The following NUDT16L1 variants were observed in gnomAD, a reference collection of about 807,000 sequenced individuals.
NUDT16L1 encodes nudix hydrolase 16 like 1.
In NUDT16L1, 19 loss-of-function variants were observed where a neutral mutation model predicts 17.3. That is an observed-to-expected ratio of 1.10 (90% CI 0.77 to 1.61). The LOEUF is 1.61. Ranked by LOEUF, NUDT16L1 falls within the 40% of genes most tolerant of loss-of-function variation. NUDT16L1 has a pLI of 0.00. For synonymous variants in NUDT16L1, 255 were observed against 138.6 expected (o/e 1.84, Z -5.90); for missense variants, 341 against 292.0 (o/e 1.17, Z -1.22).
In NUDT16L1 at chr16:4,695,756, G is replaced by A. The variant is rs937844308; in HGVS notation, c.*577G>A. On this transcript the variant is annotated 3_prime_UTR_variant, in exon 3 of 3. Coordinates refer to ENST00000304301, the Ensembl canonical transcript of NUDT16L1. ...AAAGTAGCTTCACCCCACGTGGCTT[G>A]GTTCCCAGGGACAGTCAGGGCCTCG... is the stretch of plus-strand genomic sequence containing the variant. The A allele has an allele frequency of 1.0e-5, 4 of 398,188 alleles. No homozygotes were observed. In the East Asian group the frequency reaches 1.4e-4, roughly 14 times the overall value. 24.7% of individuals were successfully genotyped at this position (398,188 alleles called of 1,614,324 possible).
exon 3 of NUDT16L1, chr16:4,695,801 C>CT: frequency 2.6e-6 from 1 of 388,270 alleles, no homozygotes; most frequent in South Asian, 1.4e-4. Context: ...CTATGTACAA[C>CT]GAAGCTGTCG....
intron 2 of NUDT16L1, 138 bp downstream of exon 2, chr16:4,694,376 G>T (rs759470735): frequency 6.7e-7 from 1 of 1,483,628 alleles, no homozygotes; most frequent in South Asian, 1.3e-5. Context: ...CAATGGGGTG[G>T]GGAGAGGGGT....
chr16:4,694,074 C>CT lies in NUDT16L1; in HGVS notation c.251dup (p.Leu86ProfsTer85). The CT allele has an allele frequency of 6.3e-7, 1 of 1,589,940 alleles. No homozygotes were observed. The highest frequency in any genetic ancestry group is 8.5e-7 in the Non-Finnish European group (1 of 1,175,490). On this transcript the variant is annotated frameshift_variant, in exon 2 of 3. Transcript: ENST00000304301. LOFTEE classifies it high-confidence loss of function. ...GGACGGCCTGAACCGGGTGCTGGGC[C>CT]TGGGCCTGGGCTGCCTGCGCCTCAC...
Position 4,695,817 on chromosome 16 carries a change from G to C in NUDT16L1, c.*638G>C, listed in dbSNP as rs139387829. 2.6e-5 allele frequency: 10 copies of C among 381,728 alleles called. No homozygotes were observed. The East Asian group carries it at 3.4e-4, about 13-fold the overall frequency. 23.6% of individuals were successfully genotyped at this position (381,728 alleles called of 1,614,324 possible). On this transcript the variant is annotated 3_prime_UTR_variant, in exon 3 of 3. Transcript: ENST00000304301. ...TATGTACAACGAAGCTGTCGAAGGA[G>C]AAGACAATAAAGTCGCTCCGCAGCT...
intron 2 of NUDT16L1, 156 bp downstream of exon 2, chr16:4,694,394 T>TGGGA: frequency 1.4e-6 from 1 of 700,012 alleles, no homozygotes; most frequent in Non-Finnish European, 1.9e-6. Context: ...GGTCTGGGGC[T>TGGGA]GGGAGGCCGG....
intron 2 of NUDT16L1, 88 bp from the exon 3 acceptor site, chr16:4,694,870 C>G: frequency 1.3e-6 from 2 of 1,509,058 alleles, no homozygotes; most frequent in Non-Finnish European, 1.8e-6. Flanking sequence ...GCTGCTCATA[C>G]CCTGGCCTCA....
At chr16:4,694,455 G>A in intron 2 of NUDT16L1, 1 of 1,525,122 alleles carries the variant, frequency 6.6e-7, no homozygotes, top group East Asian at 2.5e-5. Flanking sequence ...TCAGGGCTGT[G>A]TTACATCCGC....
chr16:4,694,694 A>G, intron 2 of NUDT16L1: 3 of 1,130,390 alleles, frequency 2.7e-6, no homozygotes, highest in Non-Finnish European at 3.3e-6. Flanking sequence ...CGGGGGGAGC[A>G]TGGGGTGCGG....
At chr16:4,695,793 A>C in exon 3 of NUDT16L1, 1 of 393,318 alleles carries the variant, frequency 2.5e-6, no homozygotes, top group Middle Eastern at 6.4e-4. Context: ...GGGCCCAGCT[A>C]TGTACAACGA....
exon 1 of NUDT16L1, chr16:4,693,846 C>T: frequency 2.6e-6 from 4 of 1,559,752 alleles, no homozygotes; most frequent in South Asian, 1.2e-5. Flanking sequence ...CTGGGCAGCT[C>T]TTCGGCCGCA....
chr16:4,694,712 G>T, intron 2 of NUDT16L1: 1 of 1,425,266 alleles, frequency 7.0e-7, no homozygotes, highest in Non-Finnish European at 9.1e-7. Context: ...CGGACCCCGG[G>T]GTGGGGTGGC....
exon 1 of NUDT16L1, chr16:4,693,816 C>A (rs779826886): frequency 6.4e-7 from 1 of 1,572,540 alleles, no homozygotes; most frequent in South Asian, 1.2e-5. Context: ...CGTGCCACGC[C>A]ATGCTGTACG....
At chr16:4,695,350 C>G in exon 3 of NUDT16L1, 1 of 674,772 alleles carries the variant, frequency 1.5e-6, no homozygotes, top group Non-Finnish European at 2.5e-6. Flanking sequence ...GCCGGGCCAG[C>G]TGGAACCCAG....
chr16:4,695,320 C>T (rs983345457), exon 3 of NUDT16L1: 15 of 847,726 alleles, frequency 1.8e-5, no homozygotes, highest in East Asian at 2.7e-5. Flanking sequence ...TCCACTGTCC[C>T]AAGCAGTCAC....
chr16:4,694,915 G>T, intron 2 of NUDT16L1, 43 bp from the exon 3 acceptor site: 8 of 1,565,896 alleles, frequency 5.1e-6, no homozygotes, highest in Non-Finnish European at 6.9e-6. Flanking sequence ...AGGTGCCATT[G>T]TGTGGCAGGC....
chr16:4,694,306 T>A, intron 2 of NUDT16L1, 68 bp downstream of exon 2: 4 of 1,456,592 alleles, frequency 2.7e-6, no homozygotes, highest in Non-Finnish European at 3.6e-6. Flanking sequence ...AAGGCACCGA[T>A]GGGTAACACG....
At chr16:4,695,530 G>A (rs773962717) in exon 3 of NUDT16L1, 10 of 495,542 alleles carry the variant, frequency 2.0e-5, no homozygotes, top group East Asian at 1.2e-4. Context: ...ACAGCTCTGG[G>A]ACCACTCAGA....
rs996371674 is a variant in NUDT16L1 at position 4,693,958 on chromosome 16, T to G, written c.154-20T>G. On this transcript the variant is annotated intron_variant, in intron 1 of 2. Transcript: ENST00000304301. ...GGGGCGTCCGTCGACCCCGCGGCTG[T>G]GACCCGCGCTCCCTTGCAGATGCAG... is the stretch of plus-strand genomic sequence containing the variant. 6.5e-7 allele frequency: 1 copy of G among 1,538,974 alleles called. No individual in the cohort carries two copies. The highest frequency in any genetic ancestry group is 8.7e-7 in the Non-Finnish European group (1 of 1,152,262).
exon 2 of NUDT16L1, chr16:4,694,220 G>A (rs1596329469): frequency 4.0e-6 from 6 of 1,516,538 alleles, no homozygotes; most frequent in African/African-American, 1.4e-5. Flanking sequence ...CGGTGCACTC[G>A]CGCGACCACG....
Sources: allele counts gnomAD v4.1 joint callset, GRCh38; gene constraint gnomAD v4.1.1; transcripts MANE v1.5; gene names NCBI Gene and HGNC (gene_info 2026-07-23, HGNC 2026-07-21).